Variants in FEM1B observed in about 807,000 individuals in gnomAD.
The protein encoded by FEM1B is fem-1 homolog B.
Under a neutral mutation model 38.6 loss-of-function variants are expected in FEM1B, and 10 were observed. The ratio of observed to expected loss-of-function variants is 0.26; its 90% CI spans 0.16 to 0.44. The LOEUF (loss-of-function observed/expected upper bound fraction) is 0.44, where lower values mean the gene tolerates loss of function less well. FEM1B is among the 20% of genes least tolerant of loss of function. The probability of loss-of-function intolerance (pLI) is 1.00; values close to 1 mark genes in which losing one functional copy is unlikely to be tolerated. For missense variants in FEM1B, 471 were observed against 786.7 expected (o/e 0.60, Z 4.80); for synonymous variants, 288 against 288.0 (o/e 1.00, Z 0.00).
chr15:68,289,645 C>G lies in FEM1B; in HGVS notation c.287C>G (p.Ala96Gly). Residue 96 changes from alanine to glycine, a missense_variant, in exon 2 of 2, where the codon GCT (alanine) becomes GGT (glycine). Ala to Gly is a moderately conservative substitution (Grantham distance 60, BLOSUM62 0). Coordinates refer to ENST00000306917, the MANE Select transcript of FEM1B (RefSeq NM_015322.5). The surrounding 1 kb of genome is among the most constrained non-coding windows in gnomAD (Gnocchi z 6.9). ...IDGATALWCA[A>G]GAGHFEVVKL... ...GGTGCCACTGCTCTTTGGTGTGCAG[C>G]TGGAGCAGGACATTTTGAAGTTGTT... 1.2e-6 allele frequency: 2 copies of G among 1,614,046 alleles called. No individual in the cohort carries two copies. Among genetic ancestry groups the G allele is most frequent in the Non-Finnish European group, 1.7e-6 (2 of 1,179,944 alleles).
Position 68,280,552 on chromosome 15 carries a change from A to T in FEM1B, c.248+1887A>T, listed in dbSNP as rs968701347. The stretch of plus-strand genomic sequence containing the variant: ...GGAATCTAGAAAGGCTTCACAGAGG[A>T]GGTGACGTTCGAGCTGTGTTTTAAA... On this transcript the variant is annotated intron_variant, in intron 1 of 1. Transcript: ENST00000306917. The surrounding 1 kb of genome is among the most constrained non-coding windows in gnomAD (Gnocchi z 4.2). 2.0e-5 allele frequency among the ~76,000 whole-genome samples: 3 copies of T among 152,178 alleles called. No homozygotes were observed. Among genetic ancestry groups the T allele is most frequent in the Non-Finnish European group, 4.4e-5 (3 of 68,012 alleles).
rs779235672 is a variant in FEM1B, at chr15:68,278,561, G to A, written c.144G>A (p.Thr48=). ...GCCAGCAGGGAGGGCAGCGCTCCAC[G>A]CCCCTCATCATCGCAGCCCGCAATG... ...YVSQQGGQRS[T]PLIIAARNGH... The change falls in exon 1 of 2, where the codon ACG becomes ACA. Residue 48 remains threonine, a synonymous_variant. Coordinates refer to ENST00000306917, the MANE Select transcript of FEM1B (RefSeq NM_015322.5). The surrounding 1 kb of genome is among the most constrained non-coding windows in gnomAD (Gnocchi z 5.7). The A allele has an allele frequency of 1.1e-5, 18 of 1,613,970 alleles. No homozygotes were observed. In the East Asian group the frequency reaches 3.8e-4, roughly 34 times the overall value.
Position 68,281,728 on chromosome 15 carries a change from C to T in FEM1B, c.248+3063C>T, listed in dbSNP as rs530280385. 5.9e-5 allele frequency among the ~76,000 whole-genome samples: 9 copies of T among 152,298 alleles called. No homozygotes were observed. In the South Asian group the frequency reaches 1.2e-3, roughly 21 times the overall value. ...TGCCTTCCGGGTTCATGCCATTCTC[C>T]TGCCTCAGCCTCCCGAGTAGCTGGG... is the stretch of plus-strand genomic sequence containing the variant. On this transcript the variant is annotated intron_variant, in intron 1 of 1. Transcript: ENST00000306917. The surrounding 1 kb of genome is among the most constrained non-coding windows in gnomAD (Gnocchi z 5.1).
At chr15:68,287,045 C>T (rs1892796864) in intron 1 of FEM1B, among the ~76,000 whole-genome samples, 1 of 152,112 alleles carries the variant, frequency 6.6e-6, no homozygotes, top group Admixed American at 6.6e-5. Flanking sequence ...GTGCCACCAC[C>T]ACTCCTGGCT....
In FEM1B at chr15:68,281,358, A is replaced by AT. The variant is rs1421221460; in HGVS notation, c.248+2693_248+2694insT. Among the ~76,000 whole-genome samples the AT allele has an allele frequency of 6.6e-6, 1 of 152,164 alleles. No homozygotes were observed. The highest frequency in any genetic ancestry group is 1.5e-5 in the Non-Finnish European group (1 of 68,026). On this transcript the variant is annotated intron_variant, in intron 1 of 1. Transcript: ENST00000306917. This position sits in a 1 kb window ranked among gnomAD's most constrained non-coding sequence, Gnocchi z 5.1. ...TTTACTTAATAAATATCTTTTCTTT[A>AT]AATTGTCTGTTATTTGCTTGATAGT...
rs575025283 is a variant in FEM1B at position 68,290,420 on chromosome 15, T to C, written c.1062T>C (p.Tyr354=). 2 of 1,614,178 alleles carry C rather than the reference T, an allele frequency of 1.2e-6. No homozygotes were observed. Among genetic ancestry groups the C allele is most frequent in the Admixed American group, 1.7e-5 (1 of 60,016 alleles). ...SHPIIYRGAV[Y]ADNMEFEQCI... is the part of the protein sequence containing the mutation. ...CCATCATTTACAGAGGAGCTGTTTA[T>C]GCGGATAATATGGAATTTGAGCAGT... Residue 354 remains tyrosine (Y), a synonymous_variant, in exon 2 of 2, where the codon TAT becomes TAC. Transcript: ENST00000306917. The surrounding 1 kb of genome is among the most constrained non-coding windows in gnomAD (Gnocchi z 9.7).
In FEM1B at chr15:68,278,944, G is replaced by A. The variant is rs1402419225; in HGVS notation, c.248+279G>A. ...AATCTAATAGTCGTCTTCTCTACTA[G>A]ATAGTCTGTGAACAAGCCATTTGGA... On this transcript the variant is annotated intron_variant, in intron 1 of 1. Coordinates refer to ENST00000306917, the MANE Select transcript of FEM1B (RefSeq NM_015322.5). The surrounding 1 kb of genome is among the most constrained non-coding windows in gnomAD (Gnocchi z 5.7). Among the ~76,000 whole-genome samples, 1 of 152,098 alleles carries A rather than the reference G, an allele frequency of 6.6e-6. No homozygotes were observed. The highest frequency in any genetic ancestry group is 1.5e-5 in the Non-Finnish European group (1 of 68,028).
At position 68,290,077 on chromosome 15, in the gene FEM1B, C is replaced by G. The variant is rs1264461637; in HGVS notation, c.719C>G (p.Ser240Cys). 1 of 1,614,208 alleles carries G rather than the reference C, an allele frequency of 6.2e-7. No homozygotes were observed. The highest frequency in any genetic ancestry group is 8.5e-7 in the Non-Finnish European group (1 of 1,180,032). Residue 240 changes from serine (S) to cysteine (C), a missense_variant, in exon 2 of 2, where the codon TCT (serine) becomes TGT (cysteine). By Grantham distance (112) the Ser-to-Cys change is moderately radical (BLOSUM62 -1). Transcript: ENST00000306917. This position sits in a 1 kb window ranked among gnomAD's most constrained non-coding sequence, Gnocchi z 9.7. The stretch of plus-strand genomic sequence containing the variant: ...GCTGATGTCGTAGAACTGTTACTCT[C>G]TCATGCTGATTGCGACCGAAGAAGT... ...CKADVVELLL[S>C]HADCDRRSRI...
Position 68,284,150 on chromosome 15 carries a change from G to A in FEM1B, c.249-5457G>A, listed in dbSNP as rs1041626237. Among the ~76,000 whole-genome samples the A allele has an allele frequency of 2.0e-5, 3 of 152,084 alleles. No individual in the cohort carries two copies. The highest frequency in any genetic ancestry group is 6.5e-5 in the Admixed American group (1 of 15,270). Reference sequence around the variant, plus strand: ...TCCACCCACCTTGGCCTCCCAAAGTGTTGGGATTACAGACGTGAGCCACTG... The same window carrying A: ...TCCACCCACCTTGGCCTCCCAAAGTATTGGGATTACAGACGTGAGCCACTG... On this transcript the variant is annotated intron_variant, in intron 1 of 1. Transcript: ENST00000306917. The surrounding 1 kb of genome is among the most constrained non-coding windows in gnomAD (Gnocchi z 4.4).
chr15:68,291,527 A>C lies in FEM1B; in HGVS notation c.*285A>C. 2.9e-6 allele frequency: 1 copy of C among 349,498 alleles called. No homozygotes were observed. Among genetic ancestry groups the C allele is most frequent in the Non-Finnish European group, 5.1e-6 (1 of 194,708 alleles). The allele number at this position is 349,498 out of a possible 1,614,324, so 21.6% of individuals were successfully genotyped here. Reference sequence around the variant, plus strand: ...GGAACAGATATAAAATGTTTTGTTTATGTAACAAGGGACATTTATAATTTC... The same window carrying C: ...GGAACAGATATAAAATGTTTTGTTTCTGTAACAAGGGACATTTATAATTTC... On this transcript the variant is annotated 3_prime_UTR_variant, in exon 2 of 2. Transcript: ENST00000306917. The surrounding 1 kb of genome is among the most constrained non-coding windows in gnomAD (Gnocchi z 6.9).
At position 68,286,474 on chromosome 15, in the gene FEM1B, T is replaced by TCACA. The variant is rs58268546; in HGVS notation, c.249-3112_249-3109dup. 3.1e-3 allele frequency among the ~76,000 whole-genome samples: 458 copies of TCACA among 149,716 alleles called. 4 individuals are homozygous for TCACA. The highest frequency in any genetic ancestry group is 0.02 in the East Asian group (100 of 5,092). Reference sequence around the variant, plus strand: ...TCATTGTAGCCTCGACCTCTTGGACTCACACACACACACACACACACACAT... The same window carrying TCACA: ...TCATTGTAGCCTCGACCTCTTGGACTCACACACACACACACACACACACACACAT... On this transcript the variant is annotated intron_variant, in intron 1 of 1. Coordinates refer to ENST00000306917, the MANE Select transcript of FEM1B (RefSeq NM_015322.5).
At position 68,278,750 on chromosome 15, in the gene FEM1B, C is replaced by G. The variant is rs900960177; in HGVS notation, c.248+85C>G. Reference sequence around the variant, plus strand: ...CTCCCCTCCCTCACCCTCTCTTACCCTCTCTTCATGTAGGTACTCACTTCT... The same window carrying G: ...CTCCCCTCCCTCACCCTCTCTTACCGTCTCTTCATGTAGGTACTCACTTCT... On this transcript the variant is annotated intron_variant, in intron 1 of 1. Coordinates refer to ENST00000306917, the MANE Select transcript of FEM1B (RefSeq NM_015322.5). The surrounding 1 kb of genome is among the most constrained non-coding windows in gnomAD (Gnocchi z 5.7). 8.0e-6 allele frequency: 12 copies of G among 1,508,918 alleles called. No individual in the cohort carries two copies. Among genetic ancestry groups the G allele is most frequent in the Non-Finnish European group, 1.1e-5 (12 of 1,096,064 alleles). 93.5% of individuals were successfully genotyped at this position (1,508,918 alleles called of 1,614,324 possible).
At chr15:68,279,052 A>G (rs945838936) in intron 1 of FEM1B, among the ~76,000 whole-genome samples, 3 of 152,216 alleles carry the variant, frequency 2.0e-5, no homozygotes, top group African/African-American at 7.2e-5. Flanking sequence ...AGCGGTTAAC[A>G]TTGAAGAACT....
At position 68,291,123 on chromosome 15, in the gene FEM1B, C is replaced by T; in HGVS notation, c.1765C>T (p.Leu589Phe). ...KSTTGVSEIL[L>F]KTQMKMSLKC... ...TACAACTGGGGTATCTGAAATACTG[C>T]TTAAAACTCAAATGAAGATGAGTCT... The change falls in exon 2 of 2, where the codon CTT becomes TTT. Residue 589 changes from leucine (L) to phenylalanine (F), a missense_variant. By Grantham distance (22) the Leu-to-Phe change is conservative. Around this residue, in one of 3 missense-constraint regions of FEM1B, gnomAD observed 380 missense variants for 599.6 expected, o/e 0.63. Coordinates refer to ENST00000306917, the MANE Select transcript of FEM1B (RefSeq NM_015322.5). The surrounding 1 kb of genome is among the most constrained non-coding windows in gnomAD (Gnocchi z 6.9). 1 of 1,614,062 alleles carries T rather than the reference C, an allele frequency of 6.2e-7. No individual in the cohort carries two copies. Among genetic ancestry groups the T allele is most frequent in the Non-Finnish European group, 8.5e-7 (1 of 1,179,978 alleles).
At position 68,288,031 on chromosome 15, in the gene FEM1B, T is replaced by C. The variant is rs1203225732; in HGVS notation, c.249-1576T>C. 1.3e-5 allele frequency among the ~76,000 whole-genome samples: 2 copies of C among 152,062 alleles called. No individual in the cohort carries two copies. The highest frequency in any genetic ancestry group is 4.8e-5 in the African/African-American group (2 of 41,468). ...TTTTGGTAGAGATGGGGTTTCACCA[T>C]GTTGGCCAGGCTCGTCTTGAACTCC... On this transcript the variant is annotated intron_variant, in intron 1 of 1. Coordinates refer to ENST00000306917, the MANE Select transcript of FEM1B (RefSeq NM_015322.5). This position sits in a 1 kb window ranked among gnomAD's most constrained non-coding sequence, Gnocchi z 4.6.
intron 1 of FEM1B, among the ~76,000 whole-genome samples, chr15:68,287,334 T>C (rs1477146965): frequency 1.3e-5 from 2 of 152,216 alleles, no homozygotes; most frequent in Non-Finnish European, 2.9e-5. Context: ...GTATGCAGTT[T>C]GGTGAGTTTT....
rs1892815713 is a variant in FEM1B, at chr15:68,288,762, A to G, written c.249-845A>G. Reference sequence around the variant, plus strand: ...TGGTTGATTGAGGAACACACAGACAAGCAGTATATGCACACACATATACAT... The same window carrying G: ...TGGTTGATTGAGGAACACACAGACAGGCAGTATATGCACACACATATACAT... On this transcript the variant is annotated intron_variant, in intron 1 of 1. Transcript: ENST00000306917. This position sits in a 1 kb window ranked among gnomAD's most constrained non-coding sequence, Gnocchi z 4.6. Among the ~76,000 whole-genome samples the G allele has an allele frequency of 6.6e-6, 1 of 152,200 alleles. No individual in the cohort carries two copies. Among genetic ancestry groups the G allele is most frequent in the African/African-American group, 2.4e-5 (1 of 41,442 alleles).
chr15:68,289,995 A>G lies in FEM1B; in HGVS notation c.637A>G (p.Ile213Val), dbSNP rs774903303. ...AGAGCTGATAAAATGGCGTGCTGCT[A>G]TAGTAGTGAATGGCCATGGGATGAC... The part of the protein sequence containing the change: ...VKELIKWRAA[I>V]VVNGHGMTPL... The change falls in exon 2 of 2, where the codon ATA (isoleucine) becomes GTA (valine). Residue 213 changes from isoleucine to valine, a missense_variant. Physicochemically the swap from Ile to Val is conservative, Grantham distance 29 (BLOSUM62 3). Transcript: ENST00000306917. The surrounding 1 kb of genome is among the most constrained non-coding windows in gnomAD (Gnocchi z 6.9). The G allele has an allele frequency of 1.3e-5, 21 of 1,614,216 alleles. No individual in the cohort carries two copies. The South Asian group carries it at 1.9e-4, about 14-fold the overall frequency.
At position 68,284,896 on chromosome 15, in the gene FEM1B, C is replaced by T. The variant is rs1288613593; in HGVS notation, c.249-4711C>T. Among the ~76,000 whole-genome samples the T allele has an allele frequency of 6.6e-6, 1 of 152,188 alleles. No individual in the cohort carries two copies. The highest frequency in any genetic ancestry group is 6.5e-5 in the Admixed American group (1 of 15,284). ...AGATTCCCTGCACAAGCTCACTTTG[C>T]CTGCTGCCATCCATGTAAGATGTGA... On this transcript the variant is annotated intron_variant, in intron 1 of 1. Coordinates refer to ENST00000306917, the MANE Select transcript of FEM1B (RefSeq NM_015322.5). The surrounding 1 kb of genome is among the most constrained non-coding windows in gnomAD (Gnocchi z 4.4).
Sources: allele counts gnomAD v4.1 joint callset (sites outside exome capture counted in the v4.1 genomes callset), GRCh38; gene constraint gnomAD v4.1.1; regional missense constraint gnomAD v4.1.1; non-coding constraint Gnocchi (gnomAD v3.1); transcripts MANE v1.5; gene names NCBI Gene and HGNC (gene_info 2026-07-23, HGNC 2026-07-21).